Variants in METAP2 observed in about 807,000 individuals in gnomAD.
METAP2 encodes methionine aminopeptidase 2.
METAP2 carries 25 observed loss-of-function variants against 59.4 expected under a neutral mutation model. That is an observed-to-expected ratio of 0.42 (90% CI 0.31 to 0.59). The LOEUF is 0.59. Among genes scored for constraint, METAP2 ranks in the 20% least tolerant of loss-of-function variants. The pLI is 0.16. For synonymous variants in METAP2, 214 were observed against 194.1 expected (o/e 1.10, Z -0.85); for missense variants, 366 against 581.2 (o/e 0.63, Z 3.81).
At chr12:95,508,118 A>G (rs2140164611) in intron 8 of METAP2, among the ~76,000 whole-genome samples, 1 of 152,108 alleles carries the variant, frequency 6.6e-6, no homozygotes, top group South Asian at 2.1e-4. Flanking sequence ...ACTTACTGTT[A>G]TGTGAAATTT....
chr12:95,479,124 A>G (rs1177933550), intron 2 of METAP2, among the ~76,000 whole-genome samples: 1 of 152,222 alleles, frequency 6.6e-6, no homozygotes, highest in Non-Finnish European at 1.5e-5. Context: ...CTTTACCTGT[A>G]TACAGGGTTG....
intron 4 of METAP2, among the ~76,000 whole-genome samples, chr12:95,492,044 A>G (rs1489492184): frequency 2.6e-5 from 4 of 151,896 alleles, no homozygotes; most frequent in Non-Finnish European, 4.4e-5. Flanking sequence ...CTGGGCTCAA[A>G]CAGTCCTCCT....
At chr12:95,486,503 T>G (rs1478036397) in intron 4 of METAP2, among the ~76,000 whole-genome samples, 3 of 148,204 alleles carry the variant, frequency 2.0e-5, no homozygotes, top group African/African-American at 7.4e-5. Context: ...TAATGTTACT[T>G]TTTTTTTTTT....
chr12:95,511,059 A>G (rs1002401614), intron 8 of METAP2, among the ~76,000 whole-genome samples: 1 of 152,046 alleles, frequency 6.6e-6, no homozygotes, highest in African/African-American at 2.4e-5. Flanking sequence ...CAATTTGTCT[A>G]TTCTGTCCTT....
chr12:95,511,632 T>A (rs982142997), intron 8 of METAP2, among the ~76,000 whole-genome samples: 1 of 152,160 alleles, frequency 6.6e-6, no homozygotes, highest in African/African-American at 2.4e-5. Context: ...CCTCAGGTGA[T>A]CCGCTTGCCT....
At chr12:95,508,144 A>G (rs1044352305) in intron 8 of METAP2, among the ~76,000 whole-genome samples, 6 of 152,074 alleles carry the variant, frequency 3.9e-5, no homozygotes, top group Admixed American at 2.6e-4. Context: ...ATTTATTTTT[A>G]CATTAAGACA....
intron 1 of METAP2, 115 bp from the exon 2 acceptor site, chr12:95,475,956 T>G (rs1453182574): frequency 6.5e-6 from 4 of 619,452 alleles, no homozygotes; most frequent in Non-Finnish European, 1.1e-5. Flanking sequence ...CACAATAATG[T>G]TTCTGTTTTT....
intron 7 of METAP2, among the ~76,000 whole-genome samples, chr12:95,498,422 C>T (rs758674709): frequency 9.2e-5 from 14 of 152,158 alleles, no homozygotes; most frequent in Non-Finnish European, 1.9e-4. Flanking sequence ...TGTTTTGAAG[C>T]ATAAAATGTT....
intron 10 of METAP2, 65 bp downstream of exon 10, chr12:95,512,981 T>C: frequency 3.2e-6 from 3 of 946,850 alleles, no homozygotes; most frequent in Admixed American, 2.0e-5. Flanking sequence ...ACAGCATTTC[T>C]AAAAAATGTG....
chr12:95,484,678 T>G, intron 3 of METAP2: 1 of 322,546 alleles, frequency 3.1e-6, no homozygotes, highest in South Asian at 2.6e-5. Flanking sequence ...TGTTGTTGAA[T>G]GTACTGTTCA....
intron 8 of METAP2, among the ~76,000 whole-genome samples, chr12:95,507,271 A>G (rs1007410762): frequency 6.6e-6 from 1 of 152,234 alleles, no homozygotes; most frequent in Admixed American, 6.5e-5. Context: ...GAATTTATTA[A>G]GTATTCAACA....
chr12:95,511,290 T>C (rs2076399693), intron 8 of METAP2, among the ~76,000 whole-genome samples: 1 of 152,050 alleles, frequency 6.6e-6, no homozygotes, highest in South Asian at 2.1e-4. Flanking sequence ...GTACATGGCA[T>C]TTTATTTGTT....
intron 7 of METAP2, among the ~76,000 whole-genome samples, chr12:95,497,414 C>T (rs2076283453): frequency 6.6e-6 from 1 of 152,224 alleles, no homozygotes; most frequent in Non-Finnish European, 1.5e-5. Context: ...TCAGAATTTA[C>T]TTCCTTAAGG....
chr12:95,480,480 C>T (rs535731581), intron 2 of METAP2, among the ~76,000 whole-genome samples: 111 of 152,290 alleles, frequency 7.3e-4, no homozygotes, highest in African/African-American at 2.6e-3. Context: ...TTGCATTCCT[C>T]TTAGCAATGG....
At position 95,485,926 on chromosome 12, in the gene METAP2, C is replaced by T. The variant is rs2076193237; in HGVS notation, c.373C>T (p.Pro125Ser). Residue 125 changes from proline to serine, a missense_variant, in exon 4 of 11, where the codon CCT (proline) becomes TCT (serine). By Grantham distance (74) the Pro-to-Ser change is moderately conservative. Coordinates refer to ENST00000323666, the MANE Select transcript of METAP2 (RefSeq NM_006838.4). The part of the protein sequence containing the change: ...PPSVPICDLY[P>S]NGVFPKGQEC... ...CTCAGTTCCAATATGTGACCTGTAT[C>T]CTAATGGTGTATTTCCCAAAGGACA... The T allele has an allele frequency of 6.3e-7, 1 of 1,593,270 alleles. No homozygotes were observed. The highest frequency in any genetic ancestry group is 1.4e-5 in the African/African-American group (1 of 73,686).
chr12:95,483,802 T>G (rs2076176868), intron 3 of METAP2, among the ~76,000 whole-genome samples: 1 of 152,152 alleles, frequency 6.6e-6, no homozygotes. Flanking sequence ...GGTGCCATGG[T>G]GGTGGTAGGG....
chr12:95,481,704 A>G (rs768773582), intron 2 of METAP2, among the ~76,000 whole-genome samples: 11 of 152,232 alleles, frequency 7.2e-5, no homozygotes, highest in Non-Finnish European at 1.5e-4. Context: ...TGAAGAAACC[A>G]GGGTAGAGGG....
At chr12:95,491,732 G>A (rs1488813408) in intron 4 of METAP2, among the ~76,000 whole-genome samples, 1 of 151,790 alleles carries the variant, frequency 6.6e-6, no homozygotes, top group Non-Finnish European at 1.5e-5. Flanking sequence ...GGCTGGTCTC[G>A]AACTCCTGAA....
Position 95,512,895 on chromosome 12 carries a change from A to G in METAP2, c.1163A>G (p.Asp388Gly). 1.2e-6 allele frequency: 2 copies of G among 1,606,172 alleles called. No individual in the cohort carries two copies. Among genetic ancestry groups the G allele is most frequent in the Non-Finnish European group, 1.7e-6 (2 of 1,173,042 alleles). The part of the protein sequence containing the change: ...MECSHYMKNF[D>G]VGHVPIRLPR... ...TGTTCACATTACATGAAAAATTTTG[A>G]TGTTGGACATGTGCCAATAAGGTGA... Residue 388 changes from aspartate (D) to glycine (G), a missense_variant, in exon 10 of 11, where the codon GAT becomes GGT. Physicochemically the swap from Asp to Gly is moderately conservative, Grantham distance 94. Transcript: ENST00000323666.
Sources: allele counts gnomAD v4.1 joint callset (sites outside exome capture counted in the v4.1 genomes callset), GRCh38; gene constraint gnomAD v4.1.1; transcripts MANE v1.5; gene names NCBI Gene and HGNC (gene_info 2026-07-23, HGNC 2026-07-21).